Variants in YPEL2 observed in about 807,000 individuals in gnomAD.
YPEL2 encodes the protein protein yippee-like 2.
YPEL2 carries 2 observed loss-of-function variants against 19.1 expected under a neutral mutation model. The ratio of observed to expected loss-of-function variants is 0.10; its 90% CI spans 0.04 to 0.33. YPEL2 has a LOEUF of 0.33. Among genes scored for constraint, YPEL2 ranks in the 10% least tolerant of loss-of-function variants. YPEL2 has a pLI of 1.00. For synonymous variants in YPEL2, 52 were observed against 50.0 expected, an observed-to-expected ratio of 1.04 and a Z score of -0.17; for missense variants, 66 against 140.7, an observed-to-expected ratio of 0.47 and a Z score of 2.68.
At chr17:59,373,652 C>T (rs904601389) in intron 2 of YPEL2, among the ~76,000 whole-genome samples, 1 of 152,196 alleles carries the variant, frequency 6.6e-6, no homozygotes, top group African/African-American at 2.4e-5. Context: ...AATATTTCTT[C>T]ATGTGGCCCT....
intron 1 of YPEL2, among the ~76,000 whole-genome samples, chr17:59,344,787 G>A (rs1203991653): frequency 6.6e-6 from 1 of 152,178 alleles, no homozygotes; most frequent in Non-Finnish European, 1.5e-5. Context: ...TTTGGACTTG[G>A]CATGTTGGAG....
intron 4 of YPEL2, among the ~76,000 whole-genome samples, chr17:59,396,883 TAGCC>T (rs375199032): frequency 2.1e-3 from 313 of 152,044 alleles, no homozygotes; most frequent in African/African-American, 7.2e-3. Flanking sequence ...ATACAAAAAT[TAGCC>T]AGGTGTGGTG....
Position 59,353,333 on chromosome 17 carries a change from G to A in YPEL2, c.-77G>A, listed in dbSNP as rs774730657. On this transcript the variant is annotated 5_prime_UTR_variant, in exon 2 of 5. Transcript: ENST00000312655. This position sits in a 1 kb window ranked among gnomAD's most constrained non-coding sequence, Gnocchi z 4.8. ...ACCACGGCCTTTACCTGTGTCTTCCGGTGTTTCCCGTGCGACCCATCCTGT... is the reference window on the plus strand; with the variant it reads ...ACCACGGCCTTTACCTGTGTCTTCCAGTGTTTCCCGTGCGACCCATCCTGT... The A allele has an allele frequency of 2.2e-5, 24 of 1,071,202 alleles. No individual in the cohort carries two copies. The highest frequency in any genetic ancestry group is 1.1e-4 in the African/African-American group (7 of 63,278). 66.4% of individuals were successfully genotyped at this position (1,071,202 alleles called of 1,614,324 possible). A position where few individuals can be genotyped will look rare whatever the true frequency, so the allele number is the denominator to read the frequency against.
At chr17:59,389,201 C>A in intron 3 of YPEL2, 159 bp from the exon 4 acceptor site, 1 of 578,680 alleles carries the variant, frequency 1.7e-6, no homozygotes, top group Non-Finnish European at 3.1e-6. Flanking sequence ...GAGATATTTC[C>A]CTGTGGCCAC....
intron 1 of YPEL2, among the ~76,000 whole-genome samples, chr17:59,349,649 G>A (rs1266829355): frequency 6.6e-6 from 1 of 151,728 alleles, no homozygotes; most frequent in Non-Finnish European, 1.5e-5. Context: ...GCCCCCACAG[G>A]CTGGCCTTTT....
intron 2 of YPEL2, among the ~76,000 whole-genome samples, chr17:59,376,560 G>A (rs959938323): frequency 1.6e-4 from 25 of 152,140 alleles, no homozygotes; most frequent in Non-Finnish European, 2.8e-4. Context: ...TCTCTTCTCC[G>A]TACTTTTCTC....
chr17:59,342,171 G>A (rs62083333), intron 1 of YPEL2, among the ~76,000 whole-genome samples: 1 of 152,218 alleles, frequency 6.6e-6, no homozygotes, highest in Non-Finnish European at 1.5e-5. Flanking sequence ...CAACAGAATT[G>A]TATTGGCAGA....
intron 2 of YPEL2, among the ~76,000 whole-genome samples, chr17:59,382,076 A>G (rs999698245): frequency 2.0e-5 from 3 of 152,190 alleles, no homozygotes; most frequent in Admixed American, 1.3e-4. Context: ...CTCATCATAA[A>G]TGTTGACTTG....
At chr17:59,363,037 G>T (rs1175134972) in intron 2 of YPEL2, 1 of 152,208 alleles carries the variant, frequency 6.6e-6, no homozygotes, top group African/African-American at 2.4e-5. Context: ...GAGGGTAGAA[G>T]AATGTTACAG....
intron 1 of YPEL2, among the ~76,000 whole-genome samples, chr17:59,350,540 T>C (rs1208491382): frequency 6.6e-6 from 1 of 152,216 alleles, no homozygotes; most frequent in Non-Finnish European, 1.5e-5. Flanking sequence ...TAGATTTTTC[T>C]CTTGTCTTTT....
intron 2 of YPEL2, among the ~76,000 whole-genome samples, chr17:59,370,310 G>A (rs1480186060): frequency 6.6e-6 from 1 of 152,138 alleles, no homozygotes; most frequent in East Asian, 1.9e-4. Context: ...TGATCCGCCC[G>A]CCTCGGCCTC....
At chr17:59,341,455 T>C (rs937151030) in intron 1 of YPEL2, among the ~76,000 whole-genome samples, 4 of 148,650 alleles carry the variant, frequency 2.7e-5, no homozygotes, top group African/African-American at 9.9e-5. Flanking sequence ...AGGTCAGGAG[T>C]TCCAGACCAG....
chr17:59,366,476 G>A (rs867521327), intron 2 of YPEL2, among the ~76,000 whole-genome samples: 1 of 152,180 alleles, frequency 6.6e-6, no homozygotes, highest in East Asian at 1.9e-4. Context: ...TTCATGAGAG[G>A]CTGAAGTGCC....
intron 2 of YPEL2, among the ~76,000 whole-genome samples, chr17:59,369,853 T>G (rs746587241): frequency 4.6e-5 from 7 of 152,196 alleles, no homozygotes; most frequent in Non-Finnish European, 8.8e-5. Context: ...TTAATTATCC[T>G]AACAATAGCC....
chr17:59,368,364 G>C (rs1415457709), intron 2 of YPEL2, among the ~76,000 whole-genome samples: 1 of 152,180 alleles, frequency 6.6e-6, no homozygotes, highest in African/African-American at 2.4e-5. Flanking sequence ...GATTGCAGGC[G>C]TGAACCGTGC....
intron 2 of YPEL2, among the ~76,000 whole-genome samples, chr17:59,387,255 T>C (rs1215906384): frequency 6.8e-4 from 47 of 69,418 alleles, no homozygotes; most frequent in African/African-American, 4.7e-3. Context: ...CAAGACTCCA[T>C]CTAAAAAAAA....
chr17:59,366,075 A>C (rs1567746224), intron 2 of YPEL2: 1 of 153,606 alleles, frequency 6.5e-6, no homozygotes, highest in Admixed American at 6.5e-5. Context: ...CTCCACCAAG[A>C]GCAATTTTCT....
intron 2 of YPEL2, among the ~76,000 whole-genome samples, chr17:59,383,573 CAAAAAAAAAAAAAAAAAAAAAAAAAAA>C (rs1159710758): frequency 7.3e-4 from 19 of 26,158 alleles, no homozygotes; most frequent in African/African-American, 2.5e-3. Flanking sequence ...GACTCTGTCT[CAAAAAAAAAAAAAAAAAAAAAAAAAAA>C]AAAAAAAAAA....
intron 2 of YPEL2, among the ~76,000 whole-genome samples, chr17:59,356,875 A>C (rs1421381323): frequency 6.6e-6 from 1 of 152,160 alleles, no homozygotes; most frequent in Non-Finnish European, 1.5e-5. Context: ...TCCCATTCAC[A>C]AGAGCTTTGC....
Sources: allele counts gnomAD v4.1 joint callset (sites outside exome capture counted in the v4.1 genomes callset), GRCh38; gene constraint gnomAD v4.1.1; non-coding constraint Gnocchi (gnomAD v3.1); transcripts MANE v1.5; gene names NCBI Gene and HGNC (gene_info 2026-07-23, HGNC 2026-07-21).